Variants in TET1 observed in about 807,000 individuals in gnomAD.
TET1 encodes the protein methylcytosine dioxygenase TET1.
In TET1, 13 loss-of-function variants were observed where a neutral mutation model predicts 148.7. That is an observed-to-expected ratio of 0.09 (90% confidence interval 0.06 to 0.14). The LOEUF (loss-of-function observed/expected upper bound fraction) is 0.14. Among genes scored for constraint, TET1 ranks in the 10% least tolerant of loss-of-function variants. The pLI is 1.00. For synonymous variants in TET1, 907 were observed against 937.2 expected (o/e 0.97, Z 0.59); for missense variants, 2,182 against 2,553.8 (o/e 0.85, Z 3.14).
At chr10:68,615,526 A>G (rs534523187) in intron 3 of TET1, among the ~76,000 whole-genome samples, 1 of 150,270 alleles carries the variant, frequency 6.7e-6, no homozygotes, top group South Asian at 2.1e-4. Context: ...TTGTATTTTT[A>G]GCAGAGATGG....
At chr10:68,673,640 A>G (rs1016737066) in intron 8 of TET1, among the ~76,000 whole-genome samples, 11 of 152,098 alleles carry the variant, frequency 7.2e-5, no homozygotes, top group African/African-American at 2.4e-4. Flanking sequence ...ACCAATAGGA[A>G]CTAAGTATTC....
At chr10:68,571,775 TCA>T (rs555923704) in intron 1 of TET1, among the ~76,000 whole-genome samples, 1 of 152,160 alleles carries the variant, frequency 6.6e-6, no homozygotes, top group Non-Finnish European at 1.5e-5. Flanking sequence ...TCTTCCTGCC[TCA>T]GTCTCCTAAA....
rs1382605710 is a variant in TET1, at chr10:68,693,134, A to G, written c.*1320A>G. Reference sequence around the variant, plus strand: ...AACTCATCTTTTCTGATAATTGCCTATGTTCTAGGTAACAGGAAAACAGGC... The same window carrying G: ...AACTCATCTTTTCTGATAATTGCCTGTGTTCTAGGTAACAGGAAAACAGGC... On this transcript the variant is annotated 3_prime_UTR_variant, in exon 12 of 12. Transcript: ENST00000373644. The G allele has an allele frequency of 8.7e-6, 2 of 230,676 alleles. No individual in the cohort carries two copies. The highest frequency in any genetic ancestry group is 6.1e-5 in the East Asian group (1 of 16,368). 14.3% of individuals were successfully genotyped at this position (230,676 alleles called of 1,614,324 possible).
rs1005584506 is a variant in TET1, at chr10:68,664,888, C to G, written c.4462-2157C>G. ...TTCCCAGGTTCAAGGGATCCTCCCC[C>G]CTCAGCCTTCTGAGCAACTGGGACT... On this transcript the variant is annotated intron_variant, in intron 6 of 11. Transcript: ENST00000373644. Among the ~76,000 whole-genome samples the G allele has an allele frequency of 4.0e-4, 61 of 151,832 alleles. 1 individual carries two copies. Among genetic ancestry groups the G allele is most frequent in the Admixed American group, 3.7e-3 (56 of 15,222 alleles).
At chr10:68,640,544 C>CTTTTTTTTTTTTTTTTTTTTTTTTTT (rs60460824) in intron 3 of TET1, among the ~76,000 whole-genome samples, 1 of 42,884 alleles carries the variant, frequency 2.3e-5, no homozygotes, top group African/African-American at 9.8e-5. Context: ...TTCTTTCTTT[C>CTTTTTTTTTTTTTTTTTTTTTTTTTT]TTTTTTTTTT....
At chr10:68,629,353 A>C (rs1383641915) in intron 3 of TET1, among the ~76,000 whole-genome samples, 2 of 152,012 alleles carry the variant, frequency 1.3e-5, no homozygotes, top group African/African-American at 4.8e-5. Context: ...CGACAGAGAA[A>C]GATCTCGTCT....
chr10:68,603,481 CT>C (rs2054084127), intron 3 of TET1, among the ~76,000 whole-genome samples: 1 of 148,870 alleles, frequency 6.7e-6, no homozygotes, highest in Non-Finnish European at 1.5e-5. Context: ...AAAAACATAC[CT>C]GTTATCCACC....
At chr10:68,654,431 C>T (rs796937778) in intron 6 of TET1, among the ~76,000 whole-genome samples, 6 of 152,168 alleles carry the variant, frequency 3.9e-5, no homozygotes, top group African/African-American at 1.2e-4. Flanking sequence ...TCCTGGCTAA[C>T]ATGGTGAAAC....
chr10:68,650,093 A>T (rs1456304458), intron 4 of TET1, among the ~76,000 whole-genome samples: 1 of 152,284 alleles, frequency 6.6e-6, no homozygotes, highest in Middle Eastern at 3.4e-3. Context: ...ACTGAGCAGT[A>T]TTGGTGTTTT....
At position 68,597,599 on chromosome 10, in the gene TET1, G is replaced by A. The variant is rs79871588; in HGVS notation, c.1915-3382G>A. On this transcript the variant is annotated intron_variant, in intron 2 of 11. Transcript: ENST00000373644. Reference sequence around the variant, plus strand: ...AAAGTTAAACATAGCCTTATCATATGATTCAGCAATTCTACTCCAAGGTGT... The same window carrying A: ...AAAGTTAAACATAGCCTTATCATATAATTCAGCAATTCTACTCCAAGGTGT... Among the ~76,000 whole-genome samples, 536 of 152,270 alleles carry A rather than the reference G, an allele frequency of 3.5e-3. 2 individuals are homozygous for A. The highest frequency in any genetic ancestry group is 6.1e-3 in the Non-Finnish European group (416 of 68,022).
intron 6 of TET1, among the ~76,000 whole-genome samples, chr10:68,661,902 A>G (rs1480110820): frequency 2.5e-5 from 3 of 117,922 alleles, no homozygotes. Flanking sequence ...TTTTTGTGAG[A>G]TGGAGTTTCA....
chr10:68,649,885 C>T (rs2054905919), intron 4 of TET1, among the ~76,000 whole-genome samples: 1 of 152,138 alleles, frequency 6.6e-6, no homozygotes, highest in Admixed American at 6.6e-5. Flanking sequence ...ACTAACATGT[C>T]ATTAGTAAAT....
chr10:68,636,981 TTGTGTGTGTG>T (rs1554940595), intron 3 of TET1, among the ~76,000 whole-genome samples: 1 of 102,360 alleles, frequency 9.8e-6, no homozygotes, highest in South Asian at 3.4e-4. Context: ...ATTTTACTCG[TTGTGTGTGTG>T]TGTGTGTGTG....
chr10:68,584,688 G>A (rs1488322566), intron 2 of TET1, among the ~76,000 whole-genome samples: 1 of 151,910 alleles, frequency 6.6e-6, no homozygotes, highest in Admixed American at 6.6e-5. Context: ...CAGCCCGGGT[G>A]ACAGAGTGAG....
At chr10:68,624,104 C>CT (rs71019040) in intron 3 of TET1, among the ~76,000 whole-genome samples, 69 of 146,122 alleles carry the variant, frequency 4.7e-4, no homozygotes, top group East Asian at 1.2e-3. Flanking sequence ...TCTTTCTTTT[C>CT]TTTTTTTTTT....
chr10:68,672,415 GA>G (rs2055284621), intron 7 of TET1, among the ~76,000 whole-genome samples: 1 of 145,812 alleles, frequency 6.9e-6, no homozygotes, highest in Admixed American at 7.1e-5. Flanking sequence ...TTGAACTTGG[GA>G]GGCAGAGGTT....
At chr10:68,644,652 T>C in intron 3 of TET1, 46 bp from the exon 4 acceptor site, 1 of 1,494,220 alleles carries the variant, frequency 6.7e-7, no homozygotes, top group Non-Finnish European at 8.9e-7. Context: ...ATGGCTGTTA[T>C]TCAGATATTT....
intron 1 of TET1, among the ~76,000 whole-genome samples, chr10:68,568,817 C>T (rs960868970): frequency 6.6e-6 from 1 of 151,868 alleles, no homozygotes; most frequent in African/African-American, 2.4e-5. Context: ...CACTACTGCA[C>T]TCCAGTCCAG....
chr10:68,676,347 G>A (rs189834476), intron 8 of TET1, among the ~76,000 whole-genome samples: 2 of 126,546 alleles, frequency 1.6e-5, no homozygotes, highest in African/African-American at 3.1e-5. Flanking sequence ...GCAGTGGCGC[G>A]ATCTCATCTC....
Sources: allele counts gnomAD v4.1 joint callset (sites outside exome capture counted in the v4.1 genomes callset), GRCh38; gene constraint gnomAD v4.1.1; transcripts MANE v1.5; gene names NCBI Gene and HGNC (gene_info 2026-07-23, HGNC 2026-07-21).